PTCHD4: variants seen among roughly 807,000 people sequenced by gnomAD.
The protein encoded by PTCHD4 is patched domain containing 4.
Under a neutral mutation model 58.1 loss-of-function variants are expected in PTCHD4, and 33 were observed. The ratio of observed to expected loss-of-function variants is 0.57; its 90% CI spans 0.43 to 0.76. The LOEUF is 0.76. PTCHD4 is among the 30% of genes least tolerant of loss of function. The probability of loss-of-function intolerance (pLI) is 0.00; values close to 1 mark genes in which losing one functional copy is unlikely to be tolerated. For missense variants in PTCHD4, 1,058 were observed against 1,027.1 expected (o/e 1.03, Z -0.41); for synonymous variants, 478 against 409.6 (o/e 1.17, Z -2.02).
At chr6:47,915,194 T>A (rs540333276) in intron 4 of PTCHD4, among the ~76,000 whole-genome samples, 24 of 152,138 alleles carry the variant, frequency 1.6e-4, no homozygotes, top group Non-Finnish European at 2.4e-4. Flanking sequence ...CTCTCCAAAA[T>A]GCATGTCAAT....
chr6:47,931,673 G>A lies in PTCHD4; in HGVS notation c.899-51737C>T, dbSNP rs112916315. On this transcript the variant is annotated intron_variant, in intron 4 of 4. Transcript: ENST00000339488. ...CTTAAAAATAAATATGAAGAAGCAA[G>A]TTTCCATTTTCATTTAGGCTGTATG... 5.1e-3 allele frequency among the ~76,000 whole-genome samples: 782 copies of A among 151,932 alleles called. 6 individuals are homozygous for A. The highest frequency in any genetic ancestry group is 0.017 in the African/African-American group (721 of 41,528).
At chr6:47,923,921 G>C (rs1765512759) in intron 4 of PTCHD4, among the ~76,000 whole-genome samples, 1 of 152,102 alleles carries the variant, frequency 6.6e-6, no homozygotes, top group Non-Finnish European at 1.5e-5. Flanking sequence ...TTCTTTCTGA[G>C]TGCCACTTCA....
intron 3 of PTCHD4, among the ~76,000 whole-genome samples, chr6:48,061,517 G>GT (rs1460334526): frequency 1.3e-5 from 2 of 152,176 alleles, no homozygotes; most frequent in African/African-American, 4.8e-5. Flanking sequence ...TCAACCTTGA[G>GT]TTTTAGATCT....
chr6:47,976,813 G>T (rs1767709381), intron 4 of PTCHD4, among the ~76,000 whole-genome samples: 1 of 151,758 alleles, frequency 6.6e-6, no homozygotes, highest in African/African-American at 2.4e-5. Flanking sequence ...TATTTTAAAA[G>T]TTCAGCATCA....
At chr6:47,886,232 A>C (rs1421405104) in intron 4 of PTCHD4, among the ~76,000 whole-genome samples, 2 of 152,106 alleles carry the variant, frequency 1.3e-5, no homozygotes, top group Non-Finnish European at 2.9e-5. Context: ...TTCCAAAGAA[A>C]ATACTTTTAA....
At chr6:48,057,467 C>T (rs995088490) in intron 3 of PTCHD4, among the ~76,000 whole-genome samples, 10 of 152,190 alleles carry the variant, frequency 6.6e-5, no homozygotes, top group Non-Finnish European at 1.5e-4. Flanking sequence ...CATACACTTA[C>T]ACTTTAGTAG....
intron 1 of PTCHD4, among the ~76,000 whole-genome samples, chr6:48,101,554 T>C (rs563011763): frequency 6.6e-6 from 1 of 152,338 alleles, no homozygotes; most frequent in East Asian, 1.9e-4. Flanking sequence ...TTGCTTCTCA[T>C]TGTCTTTTAC....
At chr6:48,085,893 C>T (rs772654056) in intron 1 of PTCHD4, among the ~76,000 whole-genome samples, 1 of 152,026 alleles carries the variant, frequency 6.6e-6, no homozygotes, top group East Asian at 1.9e-4. Flanking sequence ...GCTGAGCTAT[C>T]GTGTCATTGC....
At chr6:47,951,866 C>G (rs941784561) in intron 4 of PTCHD4, among the ~76,000 whole-genome samples, 2 of 151,556 alleles carry the variant, frequency 1.3e-5, no homozygotes, top group African/African-American at 4.8e-5. Flanking sequence ...AAAAAAAAAG[C>G]AGGATAGAGA....
chr6:48,009,017 A>G lies in PTCHD4; in HGVS notation c.515T>C (p.Ile172Thr). 2 of 1,613,956 alleles carry G rather than the reference A, an allele frequency of 1.2e-6. No individual in the cohort carries two copies. Among genetic ancestry groups the G allele is most frequent in the Non-Finnish European group, 1.7e-6 (2 of 1,179,884 alleles). The change falls in exon 4 of 5, where the codon ATC becomes ACC. Residue 172 changes from isoleucine (I) to threonine (T), a missense_variant. Physicochemically the swap from Ile to Thr is moderately conservative, Grantham distance 89. Transcript: ENST00000339488. ...QRVKSARAIQ[I>T]TYYLQTYGSA... ...GCCATAGGTCTGGAGGTAGTAGGTG[A>G]TTTGAATGGCTCTGGCTGACTTGAC... is the stretch of plus-strand genomic sequence containing the variant.
At chr6:47,950,011 C>T (rs1420073979) in intron 4 of PTCHD4, among the ~76,000 whole-genome samples, 1 of 151,518 alleles carries the variant, frequency 6.6e-6, no homozygotes, top group African/African-American at 2.4e-5. Flanking sequence ...GGTATATCTC[C>T]TAATGCTATC....
chr6:48,003,605 T>C (rs1388386705), intron 4 of PTCHD4, among the ~76,000 whole-genome samples: 1 of 152,256 alleles, frequency 6.6e-6, no homozygotes, highest in African/African-American at 2.4e-5. Flanking sequence ...AGAATTATTC[T>C]TGCCCCATTG....
chr6:47,973,796 A>C (rs938042380), intron 4 of PTCHD4, among the ~76,000 whole-genome samples: 2 of 152,264 alleles, frequency 1.3e-5, no homozygotes, highest in African/African-American at 4.8e-5. Context: ...ATACAAATTC[A>C]ATCCTAAAGA....
rs554887557 is a variant in PTCHD4 at position 48,020,813 on chromosome 6, G to GTA, written c.418-11701_418-11700dup. Among the ~76,000 whole-genome samples the GTA allele has an allele frequency of 2.3e-3, 354 of 151,834 alleles. 5 individuals are homozygous for GTA. The South Asian group carries it at 0.038, about 16-fold the overall frequency. ...TCTCCACTACTATGTAACAATAAAT[G>GTA]TATATATATATAAATATTCAAGGGA... On this transcript the variant is annotated intron_variant, in intron 3 of 4. Coordinates refer to ENST00000339488, the MANE Select transcript of PTCHD4 (RefSeq NM_001384253.1).
At chr6:48,093,833 T>C (rs1319171932) in intron 1 of PTCHD4, among the ~76,000 whole-genome samples, 2 of 152,188 alleles carry the variant, frequency 1.3e-5, no homozygotes, top group East Asian at 1.9e-4. Flanking sequence ...TGGAAGCTTT[T>C]ACATCTCCTT....
At chr6:48,065,455 C>T (rs1344146222) in intron 3 of PTCHD4, among the ~76,000 whole-genome samples, 5 of 152,134 alleles carry the variant, frequency 3.3e-5, no homozygotes, top group Non-Finnish European at 7.3e-5. Context: ...ATCTTGTACA[C>T]CAGGAGTTCT....
chr6:48,025,395 G>T (rs958498359), intron 3 of PTCHD4, among the ~76,000 whole-genome samples: 3 of 152,050 alleles, frequency 2.0e-5, no homozygotes, highest in Non-Finnish European at 4.4e-5. Context: ...AAAGCTACAG[G>T]CACAAAAATA....
intron 4 of PTCHD4, among the ~76,000 whole-genome samples, chr6:47,906,362 C>T (rs546780533): frequency 2.6e-5 from 4 of 152,202 alleles, no homozygotes; most frequent in Non-Finnish European, 5.9e-5. Flanking sequence ...TCAGTCTTTT[C>T]CTTGCCCTCC....
At chr6:48,048,233 A>G (rs1207420562) in intron 3 of PTCHD4, among the ~76,000 whole-genome samples, 1 of 151,904 alleles carries the variant, frequency 6.6e-6, no homozygotes, top group Non-Finnish European at 1.5e-5. Flanking sequence ...TTATGCAATA[A>G]ATAGCCAAAT....
Sources: allele counts gnomAD v4.1 joint callset (sites outside exome capture counted in the v4.1 genomes callset), GRCh38; gene constraint gnomAD v4.1.1; transcripts MANE v1.5; gene names NCBI Gene and HGNC (gene_info 2026-07-23, HGNC 2026-07-21).